The following CFAP299 variants were observed in gnomAD, a reference collection of about 807,000 sequenced individuals.
CFAP299 encodes the protein cilia- and flagella-associated protein 299.
A neutral mutation model predicts 27.0 loss-of-function variants in CFAP299; 21 were observed. The ratio of observed to expected loss-of-function variants is 0.78; its 90% CI spans 0.55 to 1.12. CFAP299 has a LOEUF of 1.12. Among genes scored for constraint, CFAP299 ranks in the 50% most tolerant of loss-of-function variants. The pLI is 0.00. For synonymous variants in CFAP299, 104 were observed against 98.1 expected, an observed-to-expected ratio of 1.06 and a Z score of -0.36; for missense variants, 310 against 276.6, an observed-to-expected ratio of 1.12 and a Z score of -0.86.
At chr4:80,930,434 T>C (rs1481365154) in intron 4 of CFAP299, among the ~76,000 whole-genome samples, 1 of 152,198 alleles carries the variant, frequency 6.6e-6, no homozygotes, top group Non-Finnish European at 1.5e-5. Context: ...GAAGCACAGA[T>C]AAAGCAACTT....
intron 2 of CFAP299, among the ~76,000 whole-genome samples, chr4:80,516,942 G>A (rs547431701): frequency 3.3e-5 from 5 of 152,204 alleles, no homozygotes; most frequent in Admixed American, 2.6e-4. Context: ...TATCCCCTAG[G>A]GCAGCGATCT....
At chr4:80,730,527 A>AT (rs1258123747) in intron 3 of CFAP299, among the ~76,000 whole-genome samples, 2 of 144,994 alleles carry the variant, frequency 1.4e-5, no homozygotes, top group African/African-American at 2.5e-5. Flanking sequence ...AGCTAAGCTG[A>AT]TAAAAAAAAA....
intron 3 of CFAP299, among the ~76,000 whole-genome samples, chr4:80,653,640 C>A (rs77645269): frequency 6.6e-6 from 1 of 151,930 alleles, no homozygotes; most frequent in Non-Finnish European, 1.5e-5. Context: ...CATTTATATT[C>A]GTTTTGAATG....
chr4:80,778,330 A>T (rs1726670046), intron 3 of CFAP299, among the ~76,000 whole-genome samples: 1 of 152,100 alleles, frequency 6.6e-6, no homozygotes. Context: ...CAACCCTTAG[A>T]GCCCCCTTGT....
At chr4:80,754,287 C>G (rs1725106563) in intron 3 of CFAP299, among the ~76,000 whole-genome samples, 1 of 152,094 alleles carries the variant, frequency 6.6e-6, no homozygotes. Context: ...CTGCTCCACC[C>G]TCACATTTAG....
chr4:80,713,774 A>G (rs1416065343), intron 3 of CFAP299, among the ~76,000 whole-genome samples: 1 of 152,238 alleles, frequency 6.6e-6, no homozygotes, highest in East Asian at 1.9e-4. Context: ...TTTAATTTGT[A>G]ACTTTACATT....
chr4:80,606,847 TA>T (rs558621676), intron 3 of CFAP299, among the ~76,000 whole-genome samples: 48 of 152,220 alleles, frequency 3.2e-4, no homozygotes, highest in African/African-American at 1.1e-3. Flanking sequence ...ATTTCACGGA[TA>T]AAAAAACTAA....
intron 2 of CFAP299, among the ~76,000 whole-genome samples, chr4:80,559,434 G>T (rs1478111340): frequency 1.3e-5 from 2 of 152,080 alleles, no homozygotes; most frequent in African/African-American, 4.8e-5. Context: ...GGAATATAAG[G>T]CTTCACCCAT....
chr4:80,668,606 G>A (rs1472177232), intron 3 of CFAP299, among the ~76,000 whole-genome samples: 2 of 152,040 alleles, frequency 1.3e-5, no homozygotes, highest in African/African-American at 4.8e-5. Flanking sequence ...AAATGAGTTG[G>A]CTGTAAATAT....
intron 4 of CFAP299, among the ~76,000 whole-genome samples, chr4:80,913,664 G>T (rs770365199): frequency 6.6e-6 from 1 of 152,098 alleles, no homozygotes; most frequent in African/African-American, 2.4e-5. Flanking sequence ...CCCTAATTTG[G>T]CATGCAGTTT....
chr4:80,496,733 A>T lies in CFAP299; in HGVS notation c.243-86360A>T, dbSNP rs573358465. On this transcript the variant is annotated intron_variant, in intron 2 of 5. Transcript: ENST00000358105. ...ACATTCCTATAAAGAAATACCAGAG[A>T]CTGGGTAATTCATAAAGAAAAGAGG... 4.6e-5 allele frequency among the ~76,000 whole-genome samples: 7 copies of T among 152,258 alleles called. 1 individual carries two copies. The highest frequency in any genetic ancestry group is 1.4e-4 in the African/African-American group (6 of 41,562).
intron 2 of CFAP299, among the ~76,000 whole-genome samples, chr4:80,450,813 G>A (rs555475340): frequency 6.6e-6 from 1 of 151,676 alleles, no homozygotes; most frequent in East Asian, 2.0e-4. Flanking sequence ...TATAATCAGA[G>A]CACTTCTTTA....
intron 4 of CFAP299, among the ~76,000 whole-genome samples, chr4:80,897,709 C>A (rs1306914359): frequency 6.6e-6 from 1 of 152,164 alleles, no homozygotes; most frequent in Non-Finnish European, 1.5e-5. Flanking sequence ...GAATCTTCTG[C>A]CACACCTGAC....
intron 3 of CFAP299, among the ~76,000 whole-genome samples, chr4:80,789,515 T>C (rs1727432162): frequency 6.6e-6 from 1 of 152,070 alleles, no homozygotes; most frequent in Non-Finnish European, 1.5e-5. Context: ...TTTGTTAATA[T>C]GTTGATAAAT....
intron 4 of CFAP299, among the ~76,000 whole-genome samples, chr4:80,922,370 C>A (rs17005008): frequency 0.011 from 1,664 of 152,090 alleles, 11 homozygotes; most frequent in African/African-American, 0.024. Context: ...CAGGTAAAAT[C>A]TTTTCATGGT....
At chr4:80,577,848 A>G (rs985064069) in intron 2 of CFAP299, among the ~76,000 whole-genome samples, 1 of 152,004 alleles carries the variant, frequency 6.6e-6, no homozygotes, top group Non-Finnish European at 1.5e-5. Context: ...TCTTGAAAAT[A>G]AGTTTCTACT....
At chr4:80,423,375 A>G (rs1560560693) in intron 2 of CFAP299, among the ~76,000 whole-genome samples, 2 of 152,248 alleles carry the variant, frequency 1.3e-5, no homozygotes, top group Admixed American at 6.5e-5. Context: ...GTAAAGTATA[A>G]TATATCTAGG....
At chr4:80,670,745 A>G (rs71619124) in intron 3 of CFAP299, among the ~76,000 whole-genome samples, 5 of 152,146 alleles carry the variant, frequency 3.3e-5, no homozygotes, top group East Asian at 1.9e-4. Flanking sequence ...ACCAGTGATG[A>G]TGAGCATTTT....
rs115606483 is a variant in CFAP299, at chr4:80,887,668, A to T, written c.476+17533A>T. Among the ~76,000 whole-genome samples, 512 of 152,290 alleles carry T rather than the reference A, an allele frequency of 3.4e-3. 2 individuals carry two copies. Among genetic ancestry groups the T allele is most frequent in the African/African-American group, 0.012 (479 of 41,594 alleles). ...ATAACTCACTGGTAATAGTGAGCACATAGAATAATACAGAATTATGTAACA... is the reference window on the plus strand; with the variant it reads ...ATAACTCACTGGTAATAGTGAGCACTTAGAATAATACAGAATTATGTAACA... On this transcript the variant is annotated intron_variant, in intron 4 of 5. Transcript: ENST00000358105.
Sources: allele counts gnomAD v4.1 joint callset (sites outside exome capture counted in the v4.1 genomes callset), GRCh38; gene constraint gnomAD v4.1.1; transcripts MANE v1.5; gene names NCBI Gene and HGNC (gene_info 2026-07-23, HGNC 2026-07-21).